The following GRIK1 variants were observed in gnomAD, a reference collection of about 807,000 sequenced individuals.
GRIK1 encodes glutamate ionotropic receptor kainate type subunit 1.
In GRIK1, 69 loss-of-function variants were observed where a neutral mutation model predicts 105.7. The observed-to-expected ratio is 0.65, with a 90% CI of 0.54 to 0.80. The LOEUF (loss-of-function observed/expected upper bound fraction) is 0.80, where lower values mean the gene tolerates loss of function less well. Among genes scored for constraint, GRIK1 ranks in the 30% least tolerant of loss-of-function variants. The pLI, the probability that GRIK1 is intolerant of heterozygous loss-of-function variation, is 0.00. For missense variants in GRIK1, 1,109 were observed against 1,167.3 expected (o/e 0.95, Z 0.73); for synonymous variants, 438 against 431.3 (o/e 1.02, Z -0.19).
chr21:29,700,202 G>C (rs1006252763), intron 1 of GRIK1, among the ~76,000 whole-genome samples: 11 of 152,090 alleles, frequency 7.2e-5, no homozygotes, highest in Non-Finnish European at 1.3e-4. Flanking sequence ...GTTGTGTTTT[G>C]TGACTACCTA....
chr21:29,617,471 TTAA>T (rs1332815930), intron 7 of GRIK1, among the ~76,000 whole-genome samples: 2 of 152,082 alleles, frequency 1.3e-5, no homozygotes, highest in South Asian at 4.1e-4. Context: ...AATCAAAAAG[TTAA>T]TAAAGTGATG....
At chr21:29,653,274 G>A (rs777009628) in intron 5 of GRIK1, among the ~76,000 whole-genome samples, 180 of 152,210 alleles carry the variant, frequency 1.2e-3, no homozygotes, top group Non-Finnish European at 2.3e-3. Context: ...AACCCTCTTA[G>A]AGATTCATAG....
intron 7 of GRIK1, among the ~76,000 whole-genome samples, chr21:29,619,257 T>C (rs1234513994): frequency 1.3e-5 from 2 of 151,434 alleles, no homozygotes. Context: ...GCCAACATAG[T>C]GAAACCTCGT....
chr21:29,883,508 T>C (rs768836988), intron 1 of GRIK1, among the ~76,000 whole-genome samples: 1 of 151,972 alleles, frequency 6.6e-6, no homozygotes, highest in Non-Finnish European at 1.5e-5. Context: ...GTCCCCTGTT[T>C]GCCACAAAGC....
chr21:29,605,533 G>A (rs546490459), intron 7 of GRIK1, among the ~76,000 whole-genome samples: 27 of 152,254 alleles, frequency 1.8e-4, no homozygotes, highest in African/African-American at 6.5e-4. Flanking sequence ...ACATAAGTGT[G>A]CATGTATCTT....
chr21:29,933,774 T>C (rs935571616), intron 1 of GRIK1, among the ~76,000 whole-genome samples: 2 of 152,156 alleles, frequency 1.3e-5, no homozygotes, highest in African/African-American at 4.8e-5. Flanking sequence ...AATTAAATAA[T>C]CTTCTCAGTT....
At chr21:29,585,941 C>T (rs1026862971) in intron 12 of GRIK1, among the ~76,000 whole-genome samples, 3 of 152,274 alleles carry the variant, frequency 2.0e-5, no homozygotes, top group African/African-American at 7.2e-5. Flanking sequence ...CTGTCCTGTA[C>T]ACCATAAGAT....
chr21:29,839,952 G>A (rs1268904908), intron 1 of GRIK1, among the ~76,000 whole-genome samples: 6 of 152,078 alleles, frequency 3.9e-5, no homozygotes, highest in East Asian at 3.8e-4. Context: ...CTTGAATGAC[G>A]GCAAATTGGT....
intron 1 of GRIK1, among the ~76,000 whole-genome samples, chr21:29,814,527 C>A (rs867233576): frequency 1.6e-4 from 24 of 151,942 alleles, no homozygotes; most frequent in Middle Eastern, 3.2e-3. Context: ...ACAGGATGCC[C>A]AAAGTTCACT....
intron 1 of GRIK1, among the ~76,000 whole-genome samples, chr21:29,859,529 T>C (rs2068573672): frequency 6.6e-6 from 1 of 152,218 alleles, no homozygotes. Flanking sequence ...CTAAGAAATT[T>C]CCAAGAAGTA....
intron 1 of GRIK1, among the ~76,000 whole-genome samples, chr21:29,914,749 A>G (rs2070935822): frequency 6.6e-6 from 1 of 152,018 alleles, no homozygotes; most frequent in Non-Finnish European, 1.5e-5. Context: ...GATAGAGTCT[A>G]CATCTGCTTG....
intron 7 of GRIK1, chr21:29,630,445 C>G (rs531009064): frequency 2.2e-6 from 1 of 458,012 alleles, no homozygotes; most frequent in Non-Finnish European, 4.5e-6. Flanking sequence ...ATAAAAAGTA[C>G]GATTATCCTG....
intron 8 of GRIK1, among the ~76,000 whole-genome samples, chr21:29,597,975 C>T (rs2061448623): frequency 6.6e-6 from 1 of 152,164 alleles, no homozygotes; most frequent in Non-Finnish European, 1.5e-5. Context: ...GCCACTCTTA[C>T]ATTAAGCACA....
At chr21:29,815,591 T>G (rs1045679542) in intron 1 of GRIK1, among the ~76,000 whole-genome samples, 1 of 152,166 alleles carries the variant, frequency 6.6e-6, no homozygotes, top group African/African-American at 2.4e-5. Flanking sequence ...AAAGATAATA[T>G]ATAAATTTTT....
In GRIK1 at chr21:29,578,264, A is replaced by G. The variant is rs146463907; in HGVS notation, c.1913-1083T>C. On this transcript the variant is annotated intron_variant, in intron 13 of 17. Transcript: ENST00000327783. ...ATAAAAAGTGAAAGAAAAACACCCT[A>G]AATTAAAAATCCCGAAGAGTGAAGT... Among the ~76,000 whole-genome samples the G allele has an allele frequency of 1.7e-3, 266 of 152,324 alleles. 1 individual carries two copies. The highest frequency in any genetic ancestry group is 6.0e-3 in the African/African-American group (251 of 41,582).
intron 7 of GRIK1, among the ~76,000 whole-genome samples, chr21:29,636,904 A>G (rs2062408946): frequency 6.6e-6 from 1 of 152,168 alleles, no homozygotes; most frequent in Admixed American, 6.5e-5. Context: ...TTCCACATTT[A>G]CTTAAACATA....
rs2088007347 is a variant in GRIK1 at position 29,577,176 on chromosome 21, C to G, written c.1918G>C (p.Glu640Gln). ...GVGALMQQGS[E>Q]LMPKALSTRI... ...GTCGATAGAGCTTTGGGCATCAGCT[C>G]TGATCCTGTGATGGTATCATCAGAG... Residue 640 changes from glutamate (E) to glutamine (Q), a missense_variant, in exon 14 of 18, where the codon GAG (glutamate) becomes CAG (glutamine). Coordinates refer to ENST00000327783, the MANE Select transcript of GRIK1 (RefSeq NM_001330994.2). The G allele has an allele frequency of 6.3e-7, 1 of 1,580,738 alleles. No individual in the cohort carries two copies. Among genetic ancestry groups the G allele is most frequent in the African/African-American group, 1.3e-5 (1 of 74,248 alleles).
chr21:29,649,203 T>A (rs2062677077), intron 6 of GRIK1, among the ~76,000 whole-genome samples: 1 of 152,202 alleles, frequency 6.6e-6, no homozygotes, highest in Admixed American at 6.5e-5. Context: ...ATGTTACGCT[T>A]CACATAATTT....
chr21:29,560,814 A>G (rs539868352), intron 15 of GRIK1, among the ~76,000 whole-genome samples: 3 of 151,764 alleles, frequency 2.0e-5, no homozygotes, highest in African/African-American at 7.3e-5. Flanking sequence ...GTTGGCCAGG[A>G]TAGTCTCGAT....
Sources: gnomAD v4.1 joint callset for allele counts (sites outside exome capture counted in the v4.1 genomes callset) on GRCh38, gnomAD v4.1.1 for gene constraint, MANE v1.5 for transcripts, NCBI Gene and HGNC (gene_info 2026-07-23, HGNC 2026-07-21) for gene names.